Variants in SORCS3 observed in about 807,000 individuals in gnomAD.
SORCS3 encodes the protein VPS10 domain-containing receptor SorCS3.
In SORCS3, 57 loss-of-function variants were observed where a neutral mutation model predicts 146.3. The observed-to-expected ratio is 0.39, with a 90% CI of 0.31 to 0.49. SORCS3 has a LOEUF of 0.49. Ranked by LOEUF, SORCS3 falls within the 20% of genes least tolerant of loss-of-function variation. The pLI is 0.92. For missense variants in SORCS3, 1,341 were observed against 1,575.5 expected (o/e 0.85, Z 2.52); for synonymous variants, 653 against 618.5 (o/e 1.06, Z -0.83).
chr10:104,755,743 T>G (rs1413431646), intron 1 of SORCS3, among the ~76,000 whole-genome samples: 1 of 152,224 alleles, frequency 6.6e-6, no homozygotes, highest in Non-Finnish European at 1.5e-5. Flanking sequence ...GGATCATGTT[T>G]GTGAGGCAGA....
At chr10:105,086,655 A>G (rs571974629) in intron 5 of SORCS3, among the ~76,000 whole-genome samples, 1 of 152,318 alleles carries the variant, frequency 6.6e-6, no homozygotes, top group East Asian at 1.9e-4. Context: ...ATTGACCACA[A>G]TCAGGCTTCG....
At position 105,170,417 on chromosome 10, in the gene SORCS3, GA is replaced by G. The variant is rs1048730926; in HGVS notation, c.1901+3078del. 3.4e-4 allele frequency among the ~76,000 whole-genome samples: 50 copies of G among 145,990 alleles called. No homozygotes were observed. In the South Asian group the frequency reaches 5.0e-3, roughly 15 times the overall value. ...TTGGTAAAAATGTTTATAGAGTTCA[GA>G]AAAAAAAAAGAACTGCACTGCCACT... On this transcript the variant is annotated intron_variant, in intron 13 of 26. Coordinates refer to ENST00000369701, the MANE Select transcript of SORCS3 (RefSeq NM_014978.3).
At chr10:104,858,949 A>AAAG (rs1554855009) in intron 2 of SORCS3, among the ~76,000 whole-genome samples, 74 of 150,876 alleles carry the variant, frequency 4.9e-4, no homozygotes, top group African/African-American at 1.8e-3. Context: ...AAAAAAAAAA[A>AAAG]AAAACAACAA....
chr10:104,727,294 T>C (rs1376661014), intron 1 of SORCS3, among the ~76,000 whole-genome samples: 1 of 152,228 alleles, frequency 6.6e-6, no homozygotes, highest in East Asian at 1.9e-4. Flanking sequence ...TGCAAAAGAA[T>C]ATATATTCAT....
At chr10:104,768,244 C>A (rs1405856376) in intron 1 of SORCS3, among the ~76,000 whole-genome samples, 3 of 152,186 alleles carry the variant, frequency 2.0e-5, no homozygotes, top group Non-Finnish European at 4.4e-5. Context: ...GTTCTGGGAG[C>A]TCCCCAGGTG....
chr10:105,155,017 G>A (rs1273054110), intron 9 of SORCS3, among the ~76,000 whole-genome samples: 2 of 152,140 alleles, frequency 1.3e-5, no homozygotes, highest in Admixed American at 6.5e-5. Context: ...AGATTGCTGC[G>A]GCATTATGTA....
rs572778454 is a variant in SORCS3 at position 105,157,029 on chromosome 10, T to A, written c.1483-109T>A. On this transcript the variant is annotated intron_variant, in intron 9 of 26. Transcript: ENST00000369701. ...CCTATCATGTTCCTTCTTTTCTTGC[T>A]TGGAACCCCAACATGCCGTGGGAAA... The A allele has an allele frequency of 3.9e-6, 5 of 1,295,354 alleles. No individual in the cohort carries two copies. The South Asian group carries it at 7.1e-5, about 18-fold the overall frequency. The allele number at this position is 1,295,354 out of a possible 1,614,324, so 80.2% of individuals were successfully genotyped here.
chr10:105,008,712 T>G (rs2055112861), intron 4 of SORCS3, among the ~76,000 whole-genome samples: 1 of 152,202 alleles, frequency 6.6e-6, no homozygotes. Flanking sequence ...AGTGGCGCCA[T>G]CTCAAGTCAC....
At chr10:105,075,202 C>T (rs559719452) in intron 5 of SORCS3, among the ~76,000 whole-genome samples, 1 of 152,234 alleles carries the variant, frequency 6.6e-6, no homozygotes, top group South Asian at 2.1e-4. Context: ...CATGGAAAGC[C>T]CACATTACTG....
Position 105,200,000 on chromosome 10 carries a change from G to T in SORCS3, c.2011G>T (p.Val671Phe). 1 of 1,612,910 alleles carries T rather than the reference G, an allele frequency of 6.2e-7. No individual in the cohort carries two copies. The highest frequency in any genetic ancestry group is 8.5e-7 in the Non-Finnish European group (1 of 1,179,124). The change falls in exon 15 of 27, where the codon GTT (valine) becomes TTT (phenylalanine). Residue 671 changes from valine to phenylalanine, a missense_variant and splice_region_variant. Val to Phe is a conservative substitution (Grantham distance 50). Transcript: ENST00000369701. ...EAGMETHIMT[V>F]FGHFSLRSEW... ...CCCACTCCTCCCCTAAACACTTAGAGTTTTTGGCCACTTCAGCCTCCGCTC... is the reference window on the plus strand; with the variant it reads ...CCCACTCCTCCCCTAAACACTTAGATTTTTTGGCCACTTCAGCCTCCGCTC...
At chr10:104,881,368 G>T (rs551470212) in intron 2 of SORCS3, among the ~76,000 whole-genome samples, 3 of 152,170 alleles carry the variant, frequency 2.0e-5, no homozygotes, top group Admixed American at 1.3e-4. Context: ...CTAGCTCAGT[G>T]CTTTGCTGGA....
intron 3 of SORCS3, among the ~76,000 whole-genome samples, chr10:104,942,095 T>C (rs7915438): frequency 0.49 from 73,879 of 152,094 alleles, 21,289 homozygotes; most frequent in African/African-American, 0.82. Context: ...CTGGAGAGGT[T>C]GTGCCTAGAC....
At chr10:104,960,034 C>T (rs1015199704) in intron 3 of SORCS3, among the ~76,000 whole-genome samples, 1 of 152,122 alleles carries the variant, frequency 6.6e-6, no homozygotes, top group African/African-American at 2.4e-5. Context: ...TGCCCTTGTT[C>T]TGCGTTGATC....
intron 8 of SORCS3, among the ~76,000 whole-genome samples, chr10:105,140,348 CTT>C (rs2056086604): frequency 6.6e-6 from 1 of 152,178 alleles, no homozygotes; most frequent in South Asian, 2.1e-4. Flanking sequence ...TTCATTCACT[CTT>C]TTATGCATCC....
intron 2 of SORCS3, among the ~76,000 whole-genome samples, chr10:104,857,204 C>T (rs2018344399): frequency 6.6e-6 from 1 of 151,442 alleles, no homozygotes. Context: ...ATTGTGAATG[C>T]AGTTCAGGGA....
intron 5 of SORCS3, among the ~76,000 whole-genome samples, chr10:105,086,285 G>C (rs2055659890): frequency 6.6e-6 from 1 of 152,168 alleles, no homozygotes; most frequent in Non-Finnish European, 1.5e-5. Context: ...GCTCCATAAA[G>C]GATGACAGGA....
chr10:105,114,066 G>C (rs1425633266), intron 7 of SORCS3, among the ~76,000 whole-genome samples: 1 of 152,130 alleles, frequency 6.6e-6, no homozygotes, highest in Non-Finnish European at 1.5e-5. Flanking sequence ...AATTCCTTTA[G>C]TAATAAGATT....
intron 1 of SORCS3, among the ~76,000 whole-genome samples, chr10:104,772,065 C>G (rs2017255775): frequency 6.6e-6 from 1 of 152,150 alleles, no homozygotes; most frequent in Non-Finnish European, 1.5e-5. Flanking sequence ...ATAGGTGGGG[C>G]TTGGGTGTGG....
At chr10:105,184,938 A>C (rs538725362) in intron 14 of SORCS3, among the ~76,000 whole-genome samples, 1 of 152,270 alleles carries the variant, frequency 6.6e-6, no homozygotes, top group Non-Finnish European at 1.5e-5. Flanking sequence ...GCATAATTGG[A>C]ACTTTATGTG....
Sources: allele counts gnomAD v4.1 joint callset (sites outside exome capture counted in the v4.1 genomes callset), GRCh38; gene constraint gnomAD v4.1.1; transcripts MANE v1.5; gene names NCBI Gene and HGNC (gene_info 2026-07-23, HGNC 2026-07-21).